GAS6: variants seen among roughly 807,000 people sequenced by gnomAD.
GAS6 encodes growth arrest specific 6.
In GAS6, 41 loss-of-function variants were observed where a neutral mutation model predicts 75.8. That is an observed-to-expected ratio of 0.54 (90% CI 0.42 to 0.70). The LOEUF (loss-of-function observed/expected upper bound fraction) is 0.70. Among genes scored for constraint, GAS6 ranks in the 30% least tolerant of loss-of-function variants. GAS6 has a pLI of 0.00. For synonymous variants in GAS6, 432 were observed against 412.6 expected, an observed-to-expected ratio of 1.05 and a Z score of -0.57; for missense variants, 854 against 940.2, an observed-to-expected ratio of 0.91 and a Z score of 1.20.
Position 113,846,603 on chromosome 13 carries a change from G to C in GAS6, c.281-14C>G. 1 of 1,610,922 alleles carries C rather than the reference G, an allele frequency of 6.2e-7. No individual in the cohort carries two copies. ...TGTTGATGCAGTCTGCAGGAAGAAA[G>C]GGAATGGATGTCAGTCATCCTTACA... is the stretch of plus-strand genomic sequence containing the variant. On this transcript the variant is annotated splice_polypyrimidine_tract_variant and intron_variant, in intron 3 of 14. Coordinates refer to ENST00000327773, the MANE Select transcript of GAS6 (RefSeq NM_000820.4).
chr13:113,826,055 A>G (rs114327006), intron 12 of GAS6, among the ~76,000 whole-genome samples: 2,070 of 152,196 alleles, frequency 0.014, 46 homozygotes, highest in African/African-American at 0.047. Flanking sequence ...TGGGGTGGGA[A>G]TGTGAGGCAG....
intron 11 of GAS6, among the ~76,000 whole-genome samples, chr13:113,828,215 G>A (rs1369192524): frequency 2.6e-5 from 4 of 152,114 alleles, no homozygotes; most frequent in Admixed American, 1.3e-4. Flanking sequence ...AGTGAGCCGA[G>A]ATCGCGCCAC....
At chr13:113,835,251 G>A (rs986855521) in intron 7 of GAS6, among the ~76,000 whole-genome samples, 7 of 152,260 alleles carry the variant, frequency 4.6e-5, no homozygotes, top group African/African-American at 1.4e-4. Context: ...AGGTGGAGAA[G>A]GGTACACACG....
Position 113,821,992 on chromosome 13 carries a change from C to T in GAS6, c.1848G>A (p.Arg616=). ...CGCCAGCAAAGGTGAGCACGGGGCT[C>T]CGCAGGTGCCTCTCGAGCACGGCCA... ...ERLAVLERHL[R]SPVLTFAGGL... The change falls in exon 14 of 15, where the codon CGG becomes CGA. Residue 616 remains arginine, a synonymous_variant. Coordinates refer to ENST00000327773, the MANE Select transcript of GAS6 (RefSeq NM_000820.4). The T allele has an allele frequency of 1.3e-6, 2 of 1,548,564 alleles. No individual in the cohort carries two copies. The highest frequency in any genetic ancestry group is 1.7e-6 in the Non-Finnish European group (2 of 1,149,234).
In GAS6 at chr13:113,848,095, A is replaced by G. The variant is rs2051847742; in HGVS notation, c.256-45T>C. 6.2e-7 allele frequency: 1 copy of G among 1,602,344 alleles called. No homozygotes were observed. The highest frequency in any genetic ancestry group is 1.1e-5 in the South Asian group (1 of 90,400). On this transcript the variant is annotated intron_variant, in intron 2 of 14. Transcript: ENST00000327773. This position sits in a 1 kb window ranked among gnomAD's most constrained non-coding sequence, Gnocchi z 4.8. ...AAAGGCAAGCATTGACCGGCACACT[A>G]CGAGGGTCTCTGAACAACATAAGCA...
At chr13:113,842,908 T>A in intron 4 of GAS6, 1 of 397,058 alleles carries the variant, frequency 2.5e-6, no homozygotes, top group African/African-American at 2.1e-5. Flanking sequence ...CAGTGCCTGC[T>A]CCTGCCAGGT....
intron 7 of GAS6, 38 bp from the exon 8 acceptor site, chr13:113,834,710 C>T: frequency 1.4e-6 from 2 of 1,447,196 alleles, no homozygotes; most frequent in Admixed American, 2.4e-5. Context: ...GCCGGGGAGG[C>T]CTCTACGCTG....
rs145636867 is a variant in GAS6, at chr13:113,851,422, G to A, written c.256-3372C>T. Among the ~76,000 whole-genome samples the A allele has an allele frequency of 4.6e-5, 7 of 151,934 alleles. No individual in the cohort carries two copies. The East Asian group carries it at 1.4e-3, about 29-fold the overall frequency. On this transcript the variant is annotated intron_variant, in intron 2 of 14. Coordinates refer to ENST00000327773, the MANE Select transcript of GAS6 (RefSeq NM_000820.4). ...ACATGAATGGATGAGTGGGTGGATA[G>A]GTGAATGGATGGACAGATGAATGAA...
intron 2 of GAS6, among the ~76,000 whole-genome samples, chr13:113,854,340 G>A (rs2051897503): frequency 6.6e-6 from 1 of 152,238 alleles, no homozygotes; most frequent in Non-Finnish European, 1.5e-5. Flanking sequence ...GTCTCTCATG[G>A]GCTTCATGGC....
chr13:113,837,027 C>A lies in GAS6; in HGVS notation c.589+1042G>T, dbSNP rs2051724848. On this transcript the variant is annotated intron_variant, in intron 6 of 14. Coordinates refer to ENST00000327773, the MANE Select transcript of GAS6 (RefSeq NM_000820.4). The surrounding 1 kb of genome is among the most constrained non-coding windows in gnomAD (Gnocchi z 5.1). The stretch of plus-strand genomic sequence containing the variant: ...GGGAGTGCCCGACTGGTGCAGGGAC[C>A]CACGGGAGATGCTTTAGACGTCATC... Among the ~76,000 whole-genome samples, 1 of 151,644 alleles carries A rather than the reference C, an allele frequency of 6.6e-6. No individual in the cohort carries two copies. Among genetic ancestry groups the A allele is most frequent in the African/African-American group, 2.4e-5 (1 of 41,232 alleles).
intron 2 of GAS6, among the ~76,000 whole-genome samples, chr13:113,856,243 C>T (rs1037132131): frequency 2.6e-5 from 4 of 152,232 alleles, no homozygotes; most frequent in Non-Finnish European, 5.9e-5. Context: ...TGCCAGTATG[C>T]TCACAGTCGC....
rs1056509955 is a variant in GAS6 at position 113,848,203 on chromosome 13, G to C, written c.256-153C>G. ...AACTGAGGGGAAGTGACCGGGGCAC[G>C]ACTGCTGTGAGACCAACAAGCAAAG... On this transcript the variant is annotated intron_variant, in intron 2 of 14. Coordinates refer to ENST00000327773, the MANE Select transcript of GAS6 (RefSeq NM_000820.4). The surrounding 1 kb of genome is among the most constrained non-coding windows in gnomAD (Gnocchi z 4.8). Among the ~76,000 whole-genome samples, 9 of 152,110 alleles carry C rather than the reference G, an allele frequency of 5.9e-5. No homozygotes were observed. Among genetic ancestry groups the C allele is most frequent in the Admixed American group, 5.9e-4 (9 of 15,264 alleles).
In GAS6 at chr13:113,820,787, C is replaced by G; in HGVS notation, c.*77G>C. On this transcript the variant is annotated 3_prime_UTR_variant, in exon 15 of 15. Coordinates refer to ENST00000327773, the MANE Select transcript of GAS6 (RefSeq NM_000820.4). ...GAAAGCCCAGCTCTCAGCATGGCCC[C>G]ACGTGGTGAGGAGCCCCCAGGCTCC... 1 of 1,483,160 alleles carries G rather than the reference C, an allele frequency of 6.7e-7. No individual in the cohort carries two copies. Among genetic ancestry groups the G allele is most frequent in the Non-Finnish European group, 9.1e-7 (1 of 1,098,130 alleles). The allele number at this position is 1,483,160 out of a possible 1,614,324, so 91.9% of individuals were successfully genotyped here.
Position 113,839,746 on chromosome 13 carries a change from C to A in GAS6, c.448G>T (p.Gly150Cys). The A allele has an allele frequency of 6.2e-7, 1 of 1,613,870 alleles. No individual in the cohort carries two copies. The highest frequency in any genetic ancestry group is 1.1e-5 in the South Asian group (1 of 91,076). The change falls in exon 5 of 15, where the codon GGC becomes TGC. Residue 150 changes from glycine (G) to cysteine (C), a missense_variant. Coordinates refer to ENST00000327773, the MANE Select transcript of GAS6 (RefSeq NM_000820.4). The stretch of plus-strand genomic sequence containing the variant: ...CACGTACCTTTGTCGCAGAGCCGGC[C>A]CCCCCAGCCAGCTTTACACAGGCAG... ...FFCLCKAGWG[G>C]RLCDKDVNEC...
chr13:113,822,124 G>T lies in GAS6; in HGVS notation c.1716C>A (p.Gly572=), dbSNP rs2051468453. The change falls in exon 14 of 15, where the codon GGC becomes GGA. Residue 572 remains glycine (G), a synonymous_variant. Transcript: ENST00000327773. ...LALMEIKVCD[G]QEHVVTVSLR... Reference sequence around the variant, plus strand: ...GCGAGACGGTGACCACGTGCTCTTGGCCGTCGCAGACCTTGATCTCCATTA... The same window carrying T: ...GCGAGACGGTGACCACGTGCTCTTGTCCGTCGCAGACCTTGATCTCCATTA... The T allele has an allele frequency of 1.9e-6, 3 of 1,600,702 alleles. No individual in the cohort carries two copies. The highest frequency in any genetic ancestry group is 2.6e-6 in the Non-Finnish European group (3 of 1,175,292).
chr13:113,841,783 G>A (rs75973359), intron 4 of GAS6: 16 of 40,260 alleles, frequency 4.0e-4, no homozygotes, highest in East Asian at 1.5e-3. Context: ...TCCTCCATAC[G>A]CCCCACAGTT....
At chr13:113,834,966 T>C (rs1016280090) in intron 7 of GAS6, among the ~76,000 whole-genome samples, 6 of 152,126 alleles carry the variant, frequency 3.9e-5, no homozygotes, top group African/African-American at 7.2e-5. Flanking sequence ...GGAAGGCAGG[T>C]CTGGGAAGCA....
intron 11 of GAS6, 58 bp from the exon 12 acceptor site, chr13:113,827,222 G>T: frequency 6.4e-7 from 1 of 1,573,296 alleles, no homozygotes; most frequent in Non-Finnish European, 8.7e-7. Context: ...CATGCCGGAT[G>T]CCCCAGTCGG....
chr13:113,823,331 G>C (rs374225474), intron 13 of GAS6, 44 bp downstream of exon 13: 3 of 1,564,294 alleles, frequency 1.9e-6, no homozygotes, highest in Non-Finnish European at 2.6e-6. Context: ...CCACGTACCC[G>C]TGGGTCGAGC....
Sources: allele counts gnomAD v4.1 joint callset (sites outside exome capture counted in the v4.1 genomes callset), GRCh38; gene constraint gnomAD v4.1.1; non-coding constraint Gnocchi (gnomAD v3.1); transcripts MANE v1.5; gene names NCBI Gene and HGNC (gene_info 2026-07-23, HGNC 2026-07-21).